Variants in ZNF33B observed in about 807,000 individuals in gnomAD.
ZNF33B encodes zinc finger protein 11b (KOX 2).
In ZNF33B, 29 loss-of-function variants were observed where a neutral mutation model predicts 45.8. That is an observed-to-expected ratio of 0.63 (90% CI 0.47 to 0.86). ZNF33B has a LOEUF of 0.86. Among genes scored for constraint, ZNF33B ranks in the 40% least tolerant of loss-of-function variants. The pLI is 0.00. For missense variants in ZNF33B, 831 were observed against 909.9 expected (o/e 0.91, Z 1.12); for synonymous variants, 305 against 307.8 (o/e 0.99, Z 0.10).
At chr10:42,606,795 T>TAA (rs34274785) in intron 4 of ZNF33B, among the ~76,000 whole-genome samples, 10 of 140,528 alleles carry the variant, frequency 7.1e-5, no homozygotes, top group South Asian at 2.3e-4. Context: ...GAACTTAAAG[T>TAA]AAAAAAAAAA....
Position 42,594,049 on chromosome 10 carries a change from A to C in ZNF33B, c.901T>G (p.Tyr301Asp). Residue 301 changes from tyrosine (Y) to aspartate (D), a missense_variant, in exon 5 of 5, where the codon TAT (tyrosine) becomes GAT (aspartate). Transcript: ENST00000359467. ...SKHDGVPVKH[Y>D]DCGESGNNFR... ...TTATTCCCACTTTCACCACAATCATAGTGTTTCACAGGTACCCCATCATGT... is the reference window on the plus strand; with the variant it reads ...TTATTCCCACTTTCACCACAATCATCGTGTTTCACAGGTACCCCATCATGT... 1.9e-6 allele frequency: 3 copies of C among 1,614,094 alleles called. No homozygotes were observed. Among genetic ancestry groups the C allele is most frequent in the Non-Finnish European group, 2.5e-6 (3 of 1,179,964 alleles).
At chr10:42,611,010 T>A (rs1838075473) in intron 4 of ZNF33B, among the ~76,000 whole-genome samples, 1 of 152,218 alleles carries the variant, frequency 6.6e-6, no homozygotes, top group Non-Finnish European at 1.5e-5. Flanking sequence ...TTATGTTCAG[T>A]TAATTTTCAA....
chr10:42,594,820 T>C (rs1837329701), intron 4 of ZNF33B, 121 bp from the exon 5 acceptor site: 1 of 1,111,232 alleles, frequency 9.0e-7, no homozygotes, highest in Non-Finnish European at 1.2e-6. Context: ...TTTCCAGAGA[T>C]GAACATAATT....
intron 4 of ZNF33B, among the ~76,000 whole-genome samples, chr10:42,610,648 A>C (rs187491357): frequency 6.6e-6 from 1 of 152,358 alleles, no homozygotes; most frequent in Admixed American, 6.5e-5. Flanking sequence ...ACCACAAAAC[A>C]ATGATGGAAG....
At chr10:42,631,878 G>A (rs41301641) in intron 4 of ZNF33B, 51 bp downstream of exon 4, 74,148 of 1,514,412 alleles carry the variant, frequency 0.049, 2,089 homozygotes, top group Non-Finnish European at 0.056. Context: ...ATTAACTACT[G>A]GGAAACAACA....
chr10:42,617,302 C>T (rs1312142193), intron 4 of ZNF33B, among the ~76,000 whole-genome samples: 1 of 151,610 alleles, frequency 6.6e-6, no homozygotes, highest in Non-Finnish European at 1.5e-5. Flanking sequence ...TGGGGTTTCA[C>T]CATGTTGCCC....
chr10:42,584,212 C>A (rs1203641016), downstream of ZNF33B, among the ~76,000 whole-genome samples: 1 of 152,204 alleles, frequency 6.6e-6, no homozygotes, highest in Non-Finnish European at 1.5e-5. Context: ...GGTACTCTCA[C>A]CCACTTAGTC....
chr10:42,593,627 A>G lies in ZNF33B; in HGVS notation c.1323T>C (p.Tyr441=), dbSNP rs1253306733. 2.5e-6 allele frequency: 4 copies of G among 1,614,052 alleles called. No individual in the cohort carries two copies. The highest frequency in any genetic ancestry group is 3.4e-6 in the Non-Finnish European group (4 of 1,179,956). Reference sequence around the variant, plus strand: ...AGGATTTTCCACATTCATAACATTCATAGGGTTTCTGCCCTGTGTGTGTTC... The same window carrying G: ...AGGATTTTCCACATTCATAACATTCGTAGGGTTTCTGCCCTGTGTGTGTTC... ...HQRTHTGQKP[Y]ECYECGKSFC... is the part of the protein sequence containing the mutation. Residue 441 remains tyrosine, a synonymous_variant, in exon 5 of 5, where the codon TAT becomes TAC. Coordinates refer to ENST00000359467, the MANE Select transcript of ZNF33B (RefSeq NM_006955.3).
chr10:42,615,706 T>C (rs1838282804), intron 4 of ZNF33B, among the ~76,000 whole-genome samples: 1 of 152,080 alleles, frequency 6.6e-6, no homozygotes, highest in South Asian at 2.1e-4. Flanking sequence ...GGCAGATCAC[T>C]TGAGGTCAGG....
downstream of ZNF33B, among the ~76,000 whole-genome samples, chr10:42,587,034 C>A (rs1836949646): frequency 6.6e-6 from 1 of 152,104 alleles, no homozygotes; most frequent in Non-Finnish European, 1.5e-5. Context: ...TGGGCCCTCA[C>A]ATGTCAGAAA....
intron 4 of ZNF33B, among the ~76,000 whole-genome samples, chr10:42,628,263 G>A (rs769248295): frequency 2.2e-4 from 33 of 152,292 alleles, no homozygotes; most frequent in Non-Finnish European, 3.8e-4. Context: ...CAATCTGCCC[G>A]CCTCGGCTTC....
chr10:42,616,125 A>G (rs1838303307), intron 4 of ZNF33B, among the ~76,000 whole-genome samples: 1 of 152,018 alleles, frequency 6.6e-6, no homozygotes. Context: ...CCAGCTACTC[A>G]GGAGACTAAG....
intron 4 of ZNF33B, chr10:42,631,674 T>C: frequency 2.6e-6 from 1 of 378,732 alleles, no homozygotes; most frequent in Non-Finnish European, 4.7e-6. Context: ...AACAGTAAAG[T>C]TGAGGTGGGC....
intron 4 of ZNF33B, among the ~76,000 whole-genome samples, chr10:42,603,122 G>C (rs1026687070): frequency 3.3e-5 from 5 of 152,120 alleles, no homozygotes; most frequent in African/African-American, 1.2e-4. Flanking sequence ...AAACCAAGAA[G>C]ACCAGAGACT....
At chr10:42,585,584 C>T (rs1836917117), downstream of ZNF33B, among the ~76,000 whole-genome samples, 1 of 152,168 alleles carries the variant, frequency 6.6e-6, no homozygotes, top group African/African-American at 2.4e-5. Flanking sequence ...AGCTTAGATG[C>T]ATAATACTGA....
At chr10:42,615,445 T>C (rs989910017) in intron 4 of ZNF33B, among the ~76,000 whole-genome samples, 5 of 152,224 alleles carry the variant, frequency 3.3e-5, no homozygotes, top group African/African-American at 4.8e-5. Flanking sequence ...GAATATGTTA[T>C]GCTAAGAAAA....
chr10:42,620,805 T>C (rs750551323), intron 4 of ZNF33B, among the ~76,000 whole-genome samples: 3 of 152,048 alleles, frequency 2.0e-5, no homozygotes, highest in Non-Finnish European at 4.4e-5. Context: ...AGATATTCCA[T>C]GAAAATAGCC....
intron 1 of ZNF33B, among the ~76,000 whole-genome samples, chr10:42,637,799 T>C (rs944018942): frequency 6.6e-6 from 1 of 152,104 alleles, no homozygotes; most frequent in Non-Finnish European, 1.5e-5. Context: ...ATTACAGTCA[T>C]AGGCCACCAC....
At chr10:42,577,904 C>A (rs1836771296) in intron 1 of ZNF33B, among the ~76,000 whole-genome samples, 1 of 152,214 alleles carries the variant, frequency 6.6e-6, no homozygotes, top group South Asian at 2.1e-4. Flanking sequence ...AAGACTGAGA[C>A]ATCAGGCGGC....
Sources: gnomAD v4.1 joint callset for allele counts (sites outside exome capture counted in the v4.1 genomes callset) on GRCh38, gnomAD v4.1.1 for gene constraint, MANE v1.5 for transcripts, NCBI Gene and HGNC (gene_info 2026-07-23, HGNC 2026-07-21) for gene names.